Variants in SMYD3 observed in about 807,000 individuals in gnomAD.
The protein encoded by SMYD3 is histone-lysine N-methyltransferase SMYD3.
SMYD3 carries 36 observed loss-of-function variants against 57.7 expected under a neutral mutation model. The ratio of observed to expected loss-of-function variants is 0.62; its 90% CI spans 0.48 to 0.82. The LOEUF (loss-of-function observed/expected upper bound fraction) is 0.82, where lower values mean the gene tolerates loss of function less well. Among genes scored for constraint, SMYD3 ranks in the 40% least tolerant of loss-of-function variants. The probability of loss-of-function intolerance (pLI) is 0.00; values close to 1 mark genes in which losing one functional copy is unlikely to be tolerated. For missense variants in SMYD3, 515 were observed against 538.8 expected (o/e 0.96, Z 0.44); for synonymous variants, 211 against 195.0 (o/e 1.08, Z -0.68).
intron 5 of SMYD3, among the ~76,000 whole-genome samples, chr1:246,160,736 G>C (rs2062103520): frequency 6.6e-6 from 1 of 152,190 alleles, no homozygotes; most frequent in Non-Finnish European, 1.5e-5. Context: ...TCCTGACACA[G>C]AGCTATAGCA....
chr1:245,775,004 G>T (rs1045757840), intron 10 of SMYD3, among the ~76,000 whole-genome samples: 1 of 150,474 alleles, frequency 6.6e-6, no homozygotes, highest in Admixed American at 6.6e-5. Flanking sequence ...TCACTCAGTG[G>T]TCAATGGTGC....
chr1:246,481,621 T>TATATATATATATATATATATAAAC, intron 1 of SMYD3, among the ~76,000 whole-genome samples: 1 of 98,566 alleles, frequency 1.0e-5, no homozygotes, highest in African/African-American at 3.7e-5. Context: ...CATACATATA[T>TATATATATATATATATATATAAAC]ACATACATAC....
intron 5 of SMYD3, chr1:246,026,071 G>A (rs1057374477): frequency 2.6e-5 from 4 of 152,190 alleles, no homozygotes; most frequent in African/African-American, 9.7e-5. Flanking sequence ...TTGCAGTGAA[G>A]GCAGAGATTG....
chr1:245,862,985 G>C (rs1275841565), intron 9 of SMYD3, among the ~76,000 whole-genome samples: 1 of 152,108 alleles, frequency 6.6e-6, no homozygotes, highest in Non-Finnish European at 1.5e-5. Flanking sequence ...CTCCTTCTCT[G>C]GCTCTTTACA....
intron 1 of SMYD3, among the ~76,000 whole-genome samples, chr1:246,439,750 C>A (rs1198468920): frequency 6.6e-6 from 1 of 152,260 alleles, no homozygotes; most frequent in Non-Finnish European, 1.5e-5. Flanking sequence ...GAGTTGAAGA[C>A]CAGCCCGTGC....
chr1:246,186,894 C>G, intron 5 of SMYD3: 1 of 985,398 alleles, frequency 1.0e-6, no homozygotes, highest in Non-Finnish European at 1.2e-6. Flanking sequence ...CTCTGAAGCC[C>G]CTTAGAGTCA....
chr1:246,458,499 T>C (rs2067739877), intron 1 of SMYD3, among the ~76,000 whole-genome samples: 1 of 135,026 alleles, frequency 7.4e-6, no homozygotes, highest in Non-Finnish European at 1.5e-5. Context: ...CAGGCTGGAG[T>C]GCAGTGGTGC....
chr1:246,362,514 G>A (rs944224491), intron 1 of SMYD3, among the ~76,000 whole-genome samples: 10 of 151,870 alleles, frequency 6.6e-5, no homozygotes, highest in Admixed American at 4.6e-4. Flanking sequence ...ATGCCGAGCC[G>A]AAGCTGGACT....
chr1:245,756,572 T>C (rs546869591), intron 11 of SMYD3, among the ~76,000 whole-genome samples: 15 of 152,110 alleles, frequency 9.9e-5, no homozygotes, highest in Non-Finnish European at 2.1e-4. Context: ...TTTTCCTTCA[T>C]CTGAAAATGT....
At chr1:246,191,685 C>T (rs1425890791) in intron 5 of SMYD3, among the ~76,000 whole-genome samples, 1 of 152,194 alleles carries the variant, frequency 6.6e-6, no homozygotes, top group Non-Finnish European at 1.5e-5. Flanking sequence ...GGTTCTGGTA[C>T]CTGTTCAACC....
At position 246,400,745 on chromosome 1, in the gene SMYD3, AAAAC is replaced by A. The variant is rs548490996; in HGVS notation, c.165-45655_165-45652del. Reference sequence around the variant, plus strand: ...TTGAGATATTTTTCTAAGAGAAAACAAAACAAACAAAGCAGCCAAGAGAAACAAT... The same window carrying A: ...TTGAGATATTTTTCTAAGAGAAAACAAAACAAAGCAGCCAAGAGAAACAAT... On this transcript the variant is annotated intron_variant, in intron 1 of 11. Transcript: ENST00000490107. 3.3e-3 allele frequency among the ~76,000 whole-genome samples: 503 copies of A among 152,368 alleles called. 2 individuals are homozygous for A. The highest frequency in any genetic ancestry group is 4.9e-3 in the Non-Finnish European group (333 of 68,038).
At chr1:246,182,200 T>C (rs1270172641) in intron 5 of SMYD3, among the ~76,000 whole-genome samples, 1 of 152,168 alleles carries the variant, frequency 6.6e-6, no homozygotes, top group East Asian at 1.9e-4. Flanking sequence ...TTTTAAAACT[T>C]GTAAAACTCC....
chr1:245,858,747 A>G (rs2051383955), intron 9 of SMYD3, 77 bp from the exon 10 acceptor site: 3 of 1,477,136 alleles, frequency 2.0e-6, no homozygotes, highest in Non-Finnish European at 2.8e-6. Context: ...CTAAAAGGCT[A>G]AAGAGCTCCC....
At chr1:246,210,861 A>G (rs1360125025) in intron 5 of SMYD3, among the ~76,000 whole-genome samples, 1 of 152,156 alleles carries the variant, frequency 6.6e-6, no homozygotes, top group East Asian at 1.9e-4. Context: ...GTCGAGAGGA[A>G]GGAGGAAATG....
intron 8 of SMYD3, among the ~76,000 whole-genome samples, chr1:245,900,176 G>A (rs758285676): frequency 6.6e-6 from 1 of 152,040 alleles, no homozygotes; most frequent in Non-Finnish European, 1.5e-5. Flanking sequence ...GTCTCAGTGG[G>A]TATGGTAGAC....
At chr1:246,019,296 C>A (rs762562532) in intron 5 of SMYD3, among the ~76,000 whole-genome samples, 53 of 152,272 alleles carry the variant, frequency 3.5e-4, no homozygotes, top group African/African-American at 1.1e-3. Flanking sequence ...ACAAGACAGC[C>A]CCCACGACCA....
chr1:245,981,326 C>T (rs938641583), intron 5 of SMYD3, among the ~76,000 whole-genome samples: 1 of 152,168 alleles, frequency 6.6e-6, no homozygotes, highest in African/African-American at 2.4e-5. Flanking sequence ...TGCTGGGTGT[C>T]CCTTGGTTAA....
At chr1:246,093,626 GA>G (rs2060859877) in intron 5 of SMYD3, among the ~76,000 whole-genome samples, 1 of 152,126 alleles carries the variant, frequency 6.6e-6, no homozygotes, top group South Asian at 2.1e-4. Context: ...GGGGGATGAA[GA>G]GAGCTTACTT....
intron 1 of SMYD3, among the ~76,000 whole-genome samples, chr1:246,440,858 G>A (rs1400315716): frequency 2.0e-5 from 3 of 152,086 alleles, no homozygotes; most frequent in Non-Finnish European, 4.4e-5. Context: ...TGAATGTCCT[G>A]GCATACCCCG....
Sources: gnomAD v4.1 joint callset for allele counts (sites outside exome capture counted in the v4.1 genomes callset) on GRCh38, gnomAD v4.1.1 for gene constraint, MANE v1.5 for transcripts, NCBI Gene and HGNC (gene_info 2026-07-23, HGNC 2026-07-21) for gene names.